ROBO2: variants seen among roughly 807,000 people sequenced by gnomAD.
ROBO2 encodes the protein roundabout homolog 2.
Under a neutral mutation model 160.8 loss-of-function variants are expected in ROBO2, and 53 were observed. The observed-to-expected ratio is 0.33, with a 90% CI of 0.26 to 0.41. The LOEUF (loss-of-function observed/expected upper bound fraction) is 0.41. Among genes scored for constraint, ROBO2 ranks in the 10% least tolerant of loss-of-function variants. The pLI is 1.00. For synonymous variants in ROBO2, 664 were observed against 611.7 expected (o/e 1.09, Z -1.26); for missense variants, 1,577 against 1,722.4 (o/e 0.92, Z 1.49).
chr3:77,059,212 A>G (rs2066050949), intron 1 of ROBO2, among the ~76,000 whole-genome samples: 1 of 152,120 alleles, frequency 6.6e-6, no homozygotes, highest in South Asian at 2.1e-4. Flanking sequence ...AAAGAATTCT[A>G]GGTAGAAGGA....
At chr3:77,440,411 C>CT (rs1026249817) in intron 2 of ROBO2, among the ~76,000 whole-genome samples, 4 of 152,036 alleles carry the variant, frequency 2.6e-5, no homozygotes, top group African/African-American at 7.2e-5. Flanking sequence ...CACATACCGG[C>CT]TTTTTTCCAA....
intron 2 of ROBO2, among the ~76,000 whole-genome samples, chr3:75,989,337 C>T (rs549805790): frequency 4.6e-5 from 7 of 151,926 alleles, no homozygotes; most frequent in African/African-American, 9.7e-5. Context: ...AGGCTGGTCT[C>T]GAACTCCTGA....
chr3:76,622,250 GAAA>G (rs2089224826), intron 2 of ROBO2, among the ~76,000 whole-genome samples: 1 of 54,476 alleles, frequency 1.8e-5, no homozygotes, highest in African/African-American at 7.7e-5. Flanking sequence ...AAGAAAGAAA[GAAA>G]GAAAGAAAGA....
At chr3:77,311,069 T>G (rs1484498593) in intron 2 of ROBO2, among the ~76,000 whole-genome samples, 2 of 152,178 alleles carry the variant, frequency 1.3e-5, no homozygotes, top group Non-Finnish European at 2.9e-5. Flanking sequence ...CTCATTTAAT[T>G]TATTTAATCA....
At chr3:77,365,404 G>C (rs1299712430) in intron 2 of ROBO2, among the ~76,000 whole-genome samples, 1 of 152,050 alleles carries the variant, frequency 6.6e-6, no homozygotes, top group Non-Finnish European at 1.5e-5. Flanking sequence ...GGGAGGCTCT[G>C]CTTGAATTTA....
At chr3:76,773,098 G>A (rs2062015449) in intron 2 of ROBO2, among the ~76,000 whole-genome samples, 1 of 151,022 alleles carries the variant, frequency 6.6e-6, no homozygotes, top group Non-Finnish European at 1.5e-5. Context: ...GACGTTCATT[G>A]TTTCCATGTA....
intron 22 of ROBO2, among the ~76,000 whole-genome samples, chr3:77,619,150 C>G (rs2094846710): frequency 2.0e-5 from 3 of 152,146 alleles, no homozygotes; most frequent in Admixed American, 1.3e-4. Flanking sequence ...TGGAGATGAA[C>G]CTGTCTTACT....
At chr3:77,429,613 T>G (rs1236262177) in intron 2 of ROBO2, among the ~76,000 whole-genome samples, 3 of 19,720 alleles carry the variant, frequency 1.5e-4, no homozygotes, top group Non-Finnish European at 3.3e-4. Context: ...AAAAGCAGGG[T>G]TTTTTTTTTT....
At chr3:77,635,135 C>T (rs1424067954) in intron 24 of ROBO2, 92 bp downstream of exon 25, 1 of 1,400,506 alleles carries the variant, frequency 7.1e-7, no homozygotes, top group South Asian at 1.2e-5. Context: ...GGTAGATTAG[C>T]CATTGCTTCA....
chr3:75,957,491 A>G (rs902303254), intron 2 of ROBO2, among the ~76,000 whole-genome samples: 2 of 151,380 alleles, frequency 1.3e-5, no homozygotes, highest in Admixed American at 6.6e-5. Flanking sequence ...GTTCCCGCAT[A>G]TAGTTTAGTT....
chr3:76,859,453 C>T (rs2070502995), intron 2 of ROBO2, among the ~76,000 whole-genome samples: 1 of 152,070 alleles, frequency 6.6e-6, no homozygotes, highest in Non-Finnish European at 1.5e-5. Flanking sequence ...AGCAGGTAAC[C>T]CAATCCAATT....
At chr3:77,547,644 C>T (rs780044317) in intron 7 of ROBO2, among the ~76,000 whole-genome samples, 9 of 151,994 alleles carry the variant, frequency 5.9e-5, no homozygotes, top group Non-Finnish European at 1.0e-4. Context: ...GCAGTTCTAA[C>T]AGCTCAGTCT....
At chr3:77,002,187 T>C (rs1189193173) in intron 2 of ROBO2, among the ~76,000 whole-genome samples, 3 of 152,074 alleles carry the variant, frequency 2.0e-5, no homozygotes, top group African/African-American at 7.2e-5. Context: ...AGATTATCTC[T>C]TTCATGTTCC....
chr3:76,923,951 A>C (rs1379594770), intron 2 of ROBO2, among the ~76,000 whole-genome samples: 1 of 152,260 alleles, frequency 6.6e-6, no homozygotes, highest in African/African-American at 2.4e-5. Context: ...AAATGAGGTA[A>C]ATTGGAATCA....
intron 2 of ROBO2, among the ~76,000 whole-genome samples, chr3:76,951,198 C>T (rs937940670): frequency 3.9e-5 from 6 of 152,212 alleles, no homozygotes; most frequent in African/African-American, 1.2e-4. Context: ...CCTCCATTCT[C>T]TACTGTGATC....
intron 2 of ROBO2, among the ~76,000 whole-genome samples, chr3:76,244,798 C>A (rs931213380): frequency 1.2e-4 from 19 of 152,196 alleles, no homozygotes; most frequent in African/African-American, 4.3e-4. Context: ...AAGGTCTTTT[C>A]TAATTACAAA....
intron 2 of ROBO2, among the ~76,000 whole-genome samples, chr3:76,562,319 T>C (rs1365759075): frequency 1.3e-5 from 2 of 152,002 alleles, no homozygotes; most frequent in Non-Finnish European, 2.9e-5. Flanking sequence ...TAGCAGATAG[T>C]AACAGCCAAT....
At chr3:76,019,242 G>A (rs687813) in intron 2 of ROBO2, among the ~76,000 whole-genome samples, 118,445 of 150,574 alleles carry the variant, frequency 0.79, 46,940 homozygotes, top group Middle Eastern at 0.9. Context: ...TAATATTTGC[G>A]TTATCGCCTC....
chr3:76,141,636 A>G (rs2071674355), intron 2 of ROBO2, among the ~76,000 whole-genome samples: 1 of 151,940 alleles, frequency 6.6e-6, no homozygotes, highest in Admixed American at 6.6e-5. Flanking sequence ...CATGTGATAA[A>G]CAGTAGTATG....
Sources: gnomAD v4.1 joint callset for allele counts (sites outside exome capture counted in the v4.1 genomes callset) on GRCh38, gnomAD v4.1.1 for gene constraint, MANE v1.5 for transcripts, NCBI Gene and HGNC (gene_info 2026-07-23, HGNC 2026-07-21) for gene names.